The following REDIC1 variants were observed in gnomAD, a reference collection of about 807,000 sequenced individuals.
REDIC1 encodes the protein HEI10 Interacting Protein 1.
At chr12:39,770,812 T>A in the REDIC1 span, among the ~76,000 whole-genome samples, 3 of 152,164 alleles carry the variant, frequency 2.0e-5, no homozygotes, top group African/African-American at 7.2e-5. Flanking sequence ...TCCACTTCTC[T>A]TAGGTCCTTT....
At chr12:39,854,188 T>C in the REDIC1 span, among the ~76,000 whole-genome samples, 110,662 of 151,890 alleles carry the variant, frequency 0.73, 41,126 homozygotes, top group African/African-American at 0.88. Flanking sequence ...TTACATCACT[T>C]TAGGCAAATG....
At chr12:39,636,367 A>G in the REDIC1 span, among the ~76,000 whole-genome samples, 2 of 151,938 alleles carry the variant, frequency 1.3e-5, no homozygotes, top group Non-Finnish European at 2.9e-5. Flanking sequence ...CTTTTGCATT[A>G]TAAGGGAAGT....
the REDIC1 span, among the ~76,000 whole-genome samples, chr12:39,820,139 T>C: frequency 0.013 from 1,963 of 151,866 alleles, 21 homozygotes; most frequent in Non-Finnish European, 0.018. Context: ...AGAAAAAAAA[T>C]GTAATTTTTG....
the REDIC1 span, among the ~76,000 whole-genome samples, chr12:39,799,341 C>T: frequency 6.7e-6 from 1 of 148,264 alleles, no homozygotes; most frequent in African/African-American, 2.5e-5. Context: ...AACTCCTGGC[C>T]TCAAGTGATC....
At chr12:39,667,465 C>A in the REDIC1 span, among the ~76,000 whole-genome samples, 2 of 152,130 alleles carry the variant, frequency 1.3e-5, no homozygotes, top group Admixed American at 6.5e-5. Flanking sequence ...TTTACATTTG[C>A]TGAGGAGTGC....
At chr12:39,877,996 CCTA>C in the REDIC1 span, among the ~76,000 whole-genome samples, 1 of 152,142 alleles carries the variant, frequency 6.6e-6, no homozygotes, top group African/African-American at 2.4e-5. Flanking sequence ...GACCCACTCT[CCTA>C]CTGCTTGCTC....
At chr12:39,890,095 T>C in the REDIC1 span, among the ~76,000 whole-genome samples, 1 of 152,120 alleles carries the variant, frequency 6.6e-6, no homozygotes, top group Admixed American at 6.6e-5. Flanking sequence ...TTTTAAGTAA[T>C]ACCAGTCTAT....
chr12:39,627,008 T>A, the REDIC1 span, among the ~76,000 whole-genome samples: 1 of 152,222 alleles, frequency 6.6e-6, no homozygotes, highest in African/African-American at 2.4e-5. Flanking sequence ...GTGGAAATCA[T>A]GTGGGCCTGT....
the REDIC1 span, among the ~76,000 whole-genome samples, chr12:39,705,094 AAAAAAAT>A: frequency 6.6e-5 from 10 of 150,554 alleles, no homozygotes; most frequent in African/African-American, 2.2e-4. Context: ...AAATTAAATT[AAAAAAAT>A]AAATAAATAA....
the REDIC1 span, among the ~76,000 whole-genome samples, chr12:39,805,150 G>T: frequency 3.9e-5 from 6 of 152,196 alleles, no homozygotes; most frequent in Non-Finnish European, 8.8e-5. Flanking sequence ...GCCAGGCCAG[G>T]CCAGAGAGTT....
At chr12:39,641,843 C>T in the REDIC1 span, among the ~76,000 whole-genome samples, 2 of 151,574 alleles carry the variant, frequency 1.3e-5, no homozygotes, top group African/African-American at 4.8e-5. Flanking sequence ...GATTCTTTTC[C>T]TTCCCAGCTA....
At chr12:39,668,539 T>C in the REDIC1 span, among the ~76,000 whole-genome samples, 10 of 152,316 alleles carry the variant, frequency 6.6e-5, no homozygotes, top group South Asian at 1.9e-3. Context: ...CTGACAATTA[T>C]GTGTCTTGGA....
At chr12:39,861,469 T>G in the REDIC1 span, among the ~76,000 whole-genome samples, 1 of 152,218 alleles carries the variant, frequency 6.6e-6, no homozygotes. Flanking sequence ...AAATGTTTTA[T>G]GATAGTGATT....
chr12:39,655,665 C>G, the REDIC1 span, among the ~76,000 whole-genome samples: 1 of 152,320 alleles, frequency 6.6e-6, no homozygotes, highest in Non-Finnish European at 1.5e-5. Flanking sequence ...TGGTTTGCCA[C>G]TGAAAATATG....
the REDIC1 span, among the ~76,000 whole-genome samples, chr12:39,752,524 A>T: frequency 2.0e-3 from 299 of 152,264 alleles, 1 homozygote; most frequent in African/African-American, 7.0e-3. Context: ...CAGGCAAGGG[A>T]TAAGAAAAGT....
the REDIC1 span, among the ~76,000 whole-genome samples, chr12:39,886,493 T>C: frequency 6.6e-6 from 1 of 152,098 alleles, no homozygotes; most frequent in East Asian, 1.9e-4. Flanking sequence ...CATACATTTA[T>C]TTAGGGGGTA....
At chr12:39,682,714 C>A in the REDIC1 span, 2 of 1,613,048 alleles carry the variant, frequency 1.2e-6, no homozygotes, top group East Asian at 4.5e-5. Context: ...TACTGAAAAA[C>A]ACTCAATACA....
chr12:39,780,165 C>G, the REDIC1 span, among the ~76,000 whole-genome samples: 1 of 152,152 alleles, frequency 6.6e-6, no homozygotes, highest in Admixed American at 6.5e-5. Flanking sequence ...AATCTGATGA[C>G]AATTCAAAGC....
chr12:39,789,343 T>G, the REDIC1 span, among the ~76,000 whole-genome samples: 1 of 152,186 alleles, frequency 6.6e-6, no homozygotes, highest in Non-Finnish European at 1.5e-5. Flanking sequence ...TTTCTTAATA[T>G]TATGCTTTTG....
Sources: allele counts gnomAD v4.1 joint callset (sites outside exome capture counted in the v4.1 genomes callset), GRCh38; gene constraint gnomAD v4.1.1; transcripts MANE v1.5; gene names NCBI Gene and HGNC (gene_info 2026-07-23, HGNC 2026-07-21).